The following PLPP3 variants were observed in gnomAD, a reference collection of about 807,000 sequenced individuals.
PLPP3 encodes phospholipid phosphatase 3.
PLPP3 carries 6 observed loss-of-function variants against 29.6 expected under a neutral mutation model. The ratio of observed to expected loss-of-function variants is 0.20; its 90% confidence interval spans 0.11 to 0.40. The LOEUF is 0.40. Ranked by LOEUF, PLPP3 falls within the 10% of genes least tolerant of loss-of-function variation. PLPP3 has a pLI of 1.00. For missense variants in PLPP3, 308 were observed against 407.7 expected (o/e 0.76, Z 2.11); for synonymous variants, 152 against 159.7 (o/e 0.95, Z 0.36).
chr1:56,569,575 C>A (rs1348071390), intron 1 of PLPP3, among the ~76,000 whole-genome samples: 1 of 152,092 alleles, frequency 6.6e-6, no homozygotes, highest in Non-Finnish European at 1.5e-5. Flanking sequence ...AATTTCACTC[C>A]TAGGTAGTAG....
At chr1:56,577,566 G>A (rs1164129221) in intron 1 of PLPP3, among the ~76,000 whole-genome samples, 1 of 152,136 alleles carries the variant, frequency 6.6e-6, no homozygotes, top group East Asian at 1.9e-4. Context: ...GCTACAGAAA[G>A]AGTCATGAAT....
intron 1 of PLPP3, among the ~76,000 whole-genome samples, chr1:56,573,167 C>T (rs984220988): frequency 1.3e-5 from 2 of 152,160 alleles, no homozygotes; most frequent in Non-Finnish European, 2.9e-5. Flanking sequence ...CTCATTTATC[C>T]AAAGAGTCAC....
chr1:56,540,488 G>C (rs533964158), intron 1 of PLPP3, among the ~76,000 whole-genome samples: 1 of 152,272 alleles, frequency 6.6e-6, no homozygotes, highest in Non-Finnish European at 1.5e-5. Context: ...AATCTGGTCA[G>C]TCCTTTGCCC....
At chr1:56,565,521 A>C (rs1405975417) in intron 1 of PLPP3, among the ~76,000 whole-genome samples, 1 of 152,040 alleles carries the variant, frequency 6.6e-6, no homozygotes, top group Non-Finnish European at 1.5e-5. Context: ...CCCAGGCTCA[A>C]GCGATTCTCC....
rs1474742642 is a variant in PLPP3, at chr1:56,557,101, TG to T, written c.140-19990del. 1.3e-4 allele frequency among the ~76,000 whole-genome samples: 19 copies of T among 143,790 alleles called. 2 individuals carry two copies. The highest frequency in any genetic ancestry group is 6.1e-5 in the Non-Finnish European group (4 of 65,636). The allele number at this position is 143,790 out of a possible 152,430, so 94.3% of individuals were successfully genotyped here. The stretch of plus-strand genomic sequence containing the variant: ...AAAAATGAGAGAGAGAGAAAGAGGC[TG>T]GGTGCGGTGGCTCATGCCTGTAATC... On this transcript the variant is annotated intron_variant, in intron 1 of 5. Transcript: ENST00000371250.
chr1:56,559,176 A>G (rs1245127102), intron 1 of PLPP3, among the ~76,000 whole-genome samples: 2 of 152,214 alleles, frequency 1.3e-5, no homozygotes, highest in African/African-American at 4.8e-5. Flanking sequence ...GTATAGGCAG[A>G]GAAGAAGGAG....
intron 4 of PLPP3, chr1:56,512,674 C>T (rs1185294190): frequency 6.6e-6 from 1 of 152,152 alleles, no homozygotes; most frequent in Non-Finnish European, 1.5e-5. Context: ...TTAGTTCTCA[C>T]ACTAAAAAAT....
At chr1:56,527,109 G>T (rs1279502060) in intron 2 of PLPP3, among the ~76,000 whole-genome samples, 1 of 152,182 alleles carries the variant, frequency 6.6e-6, no homozygotes, top group Non-Finnish European at 1.5e-5. Flanking sequence ...TAGGGAGACG[G>T]GGTTTGATTA....
chr1:56,523,445 G>A (rs1019031451), intron 4 of PLPP3, among the ~76,000 whole-genome samples: 23 of 152,122 alleles, frequency 1.5e-4, no homozygotes, highest in African/African-American at 5.3e-4. Flanking sequence ...ATTTAGGGTG[G>A]TGCAAGAGTA....
rs764599692 is a variant in PLPP3 at position 56,524,923 on chromosome 1, T to C, written c.298-369A>G. 1.6e-4 allele frequency among the ~76,000 whole-genome samples: 25 copies of C among 152,216 alleles called. No individual in the cohort carries two copies. Among genetic ancestry groups the C allele is most frequent in the African/African-American group, 3.4e-4 (14 of 41,542 alleles). Reference sequence around the variant, plus strand: ...ACGACAAGGTAAAGGGTAGCTATGATGTCACAGGGTCTGAGCAAATCTCGA... The same window carrying C: ...ACGACAAGGTAAAGGGTAGCTATGACGTCACAGGGTCTGAGCAAATCTCGA... On this transcript the variant is annotated intron_variant, in intron 2 of 5. Transcript: ENST00000371250. The surrounding 1 kb of genome is among the most constrained non-coding windows in gnomAD (Gnocchi z 4.3).
intron 2 of PLPP3, among the ~76,000 whole-genome samples, chr1:56,527,871 A>T (rs547796776): frequency 3.3e-5 from 5 of 152,092 alleles, no homozygotes; most frequent in African/African-American, 1.2e-4. Flanking sequence ...GACACGTTAC[A>T]CACCTAACTC....
intron 2 of PLPP3, 65 bp downstream of exon 2, chr1:56,536,890 T>C (rs1424491855): frequency 5.1e-6 from 8 of 1,578,942 alleles, no homozygotes; most frequent in African/African-American, 2.7e-5. Context: ...GCTCAGACAT[T>C]CTATAATATG....
intron 4 of PLPP3, among the ~76,000 whole-genome samples, chr1:56,517,315 T>C (rs1326958191): frequency 6.6e-6 from 1 of 152,228 alleles, no homozygotes; most frequent in East Asian, 1.9e-4. Flanking sequence ...CTTGCAAACA[T>C]ATTGTAGAAT....
chr1:56,517,798 C>T (rs1645791667), intron 4 of PLPP3, among the ~76,000 whole-genome samples: 1 of 152,242 alleles, frequency 6.6e-6, no homozygotes, highest in Non-Finnish European at 1.5e-5. Flanking sequence ...TTTAGAACTT[C>T]AGACTCCTCT....
chr1:56,530,339 T>A (rs1645879097), intron 2 of PLPP3, among the ~76,000 whole-genome samples: 1 of 118,596 alleles, frequency 8.4e-6, no homozygotes, highest in Non-Finnish European at 2.1e-5. Context: ...CAAAAGGGCA[T>A]CTCTCTGTCT....
At chr1:56,529,145 G>C (rs1351968676) in intron 2 of PLPP3, among the ~76,000 whole-genome samples, 1 of 151,932 alleles carries the variant, frequency 6.6e-6, no homozygotes, top group Non-Finnish European at 1.5e-5. Context: ...AACACCATAT[G>C]AATTACTAAA....
Position 56,524,056 on chromosome 1 carries a change from T to C in PLPP3, c.576-176A>G. Among the ~76,000 whole-genome samples, 1 of 152,234 alleles carries C rather than the reference T, an allele frequency of 6.6e-6. No individual in the cohort carries two copies. Among genetic ancestry groups the C allele is most frequent in the East Asian group, 1.9e-4 (1 of 5,194 alleles). ...CTGGAACATAGCAGGCACCTATGAA[T>C]TCATGAATAAACAAAAGAATGAATG... On this transcript the variant is annotated intron_variant, in intron 3 of 5. Coordinates refer to ENST00000371250, the MANE Select transcript of PLPP3 (RefSeq NM_003713.5). This position sits in a 1 kb window ranked among gnomAD's most constrained non-coding sequence, Gnocchi z 4.3.
chr1:56,541,288 G>T (rs912089851), intron 1 of PLPP3, among the ~76,000 whole-genome samples: 1 of 152,082 alleles, frequency 6.6e-6, no homozygotes, highest in African/African-American at 2.4e-5. Flanking sequence ...AAAACTGATG[G>T]CTATTAAACA....
intron 1 of PLPP3, among the ~76,000 whole-genome samples, chr1:56,567,474 T>C (rs1413850844): frequency 7.0e-6 from 1 of 142,478 alleles, no homozygotes; most frequent in Non-Finnish European, 1.5e-5. Context: ...CTCGGCTCAC[T>C]GCAAGCTCTG....
Sources: gnomAD v4.1 joint callset for allele counts (sites outside exome capture counted in the v4.1 genomes callset) on GRCh38, gnomAD v4.1.1 for gene constraint, Gnocchi (gnomAD v3.1) non-coding constraint, MANE v1.5 for transcripts, NCBI Gene and HGNC (gene_info 2026-07-23, HGNC 2026-07-21) for gene names.